The following FRMD3 variants were observed in gnomAD, a reference collection of about 807,000 sequenced individuals.
FRMD3 encodes FERM domain-containing protein 3.
A neutral mutation model predicts 70.2 loss-of-function variants in FRMD3; 33 were observed. The observed-to-expected ratio is 0.47, with a 90% CI of 0.36 to 0.63. The LOEUF (loss-of-function observed/expected upper bound fraction) is 0.63. Ranked by LOEUF, FRMD3 falls within the 20% of genes least tolerant of loss-of-function variation. The pLI is 0.00. For missense variants in FRMD3, 632 were observed against 711.4 expected (o/e 0.89, Z 1.27); for synonymous variants, 279 against 255.9 (o/e 1.09, Z -0.86).
At chr9:83,343,826 G>A (rs1407915094) in intron 4 of FRMD3, among the ~76,000 whole-genome samples, 1 of 152,244 alleles carries the variant, frequency 6.6e-6, no homozygotes, top group African/African-American at 2.4e-5. Flanking sequence ...TGTCATCTGT[G>A]TAGAGTCTCC....
chr9:83,255,440 A>T (rs1250793994), intron 13 of FRMD3, among the ~76,000 whole-genome samples: 1 of 152,174 alleles, frequency 6.6e-6, no homozygotes, highest in Non-Finnish European at 1.5e-5. Flanking sequence ...AATAGGCAAA[A>T]GCTGGAAGCA....
chr9:83,574,541 G>A, the FRMD3 span, among the ~76,000 whole-genome samples: 1 of 152,120 alleles, frequency 6.6e-6, no homozygotes, highest in Non-Finnish European at 1.5e-5. Flanking sequence ...GTACTCCAGG[G>A]ACAAGGCCAT....
intron 1 of FRMD3, among the ~76,000 whole-genome samples, chr9:83,494,780 G>T (rs187768335): frequency 3.9e-5 from 6 of 152,072 alleles, no homozygotes; most frequent in Admixed American, 3.3e-4. Context: ...GGGCATAGTG[G>T]CATGTGCCTG....
At position 83,309,607 on chromosome 9, in the gene FRMD3, T is replaced by C. The variant is rs374785876; in HGVS notation, c.855A>G (p.Ala285=). The change falls in exon 10 of 14, where the codon GCA becomes GCG. Residue 285 remains alanine (A), a synonymous_variant. Coordinates refer to ENST00000304195, the MANE Select transcript of FRMD3 (RefSeq NM_174938.6). ...GTQKEKKAML[A]FHTSTPAACK... is the part of the protein sequence containing the mutation. ...AGGCAGCTGGTGTTGAAGTATGGAA[T>C]GCCAACATGGCTTTTTTCTAATTAA... The C allele has an allele frequency of 4.4e-5, 70 of 1,589,808 alleles. No homozygotes were observed. The African/African-American group carries it at 7.7e-4, about 17-fold the overall frequency.
chr9:83,558,659 T>C, the FRMD3 span, among the ~76,000 whole-genome samples: 2 of 152,156 alleles, frequency 1.3e-5, no homozygotes, highest in Non-Finnish European at 2.9e-5. Flanking sequence ...CTGCCATAGA[T>C]AGTGATTCCT....
At chr9:83,500,032 A>C (rs1050438637) in intron 1 of FRMD3, among the ~76,000 whole-genome samples, 1 of 152,224 alleles carries the variant, frequency 6.6e-6, no homozygotes, top group Non-Finnish European at 1.5e-5. Flanking sequence ...GCAATATATT[A>C]TACAAAAATA....
At chr9:83,308,066 A>G (rs1056956114) in intron 10 of FRMD3, among the ~76,000 whole-genome samples, 2 of 152,152 alleles carry the variant, frequency 1.3e-5, no homozygotes, top group Non-Finnish European at 2.9e-5. Context: ...ACCTTCTCCA[A>G]TCATTCCTAG....
intron 3 of FRMD3, among the ~76,000 whole-genome samples, chr9:83,362,549 C>T (rs1474029768): frequency 2.0e-5 from 3 of 152,156 alleles, no homozygotes; most frequent in African/African-American, 7.2e-5. Context: ...CTTCAGGGTG[C>T]TTGGGAGCAG....
chr9:83,543,830 C>T, the FRMD3 span, among the ~76,000 whole-genome samples: 7 of 152,208 alleles, frequency 4.6e-5, no homozygotes, highest in Admixed American at 1.3e-4. Flanking sequence ...CTGTGCTTGG[C>T]TCTGTGGGTG....
At chr9:83,292,448 C>T (rs761625974) in intron 12 of FRMD3, among the ~76,000 whole-genome samples, 3 of 152,144 alleles carry the variant, frequency 2.0e-5, no homozygotes, top group Non-Finnish European at 4.4e-5. Context: ...GCTTGAGCCA[C>T]TACGCCCAGC....
At chr9:83,478,987 A>C (rs1828464568) in intron 1 of FRMD3, among the ~76,000 whole-genome samples, 2 of 152,142 alleles carry the variant, frequency 1.3e-5, no homozygotes, top group African/African-American at 4.8e-5. Flanking sequence ...TGGCTTAATC[A>C]ATGGTCATTA....
rs1307760804 is a variant in FRMD3, at chr9:83,245,273, CTA to C, written c.*2643_*2644del. On this transcript the variant is annotated 3_prime_UTR_variant, in exon 14 of 14. Transcript: ENST00000304195. ...CTTGCTTTAAACTCTATATCTCACT[CTA>C]TAATATACTGTCCATCTCTGGAAGC... The C allele has an allele frequency of 2.0e-6, 2 of 985,246 alleles. No individual in the cohort carries two copies. Among genetic ancestry groups the C allele is most frequent in the African/African-American group, 1.7e-5 (1 of 57,234 alleles). 61.0% of individuals were successfully genotyped at this position (985,246 alleles called of 1,614,324 possible).
intron 12 of FRMD3, among the ~76,000 whole-genome samples, chr9:83,295,175 CAA>C (rs1300176142): frequency 6.6e-6 from 1 of 152,128 alleles, no homozygotes; most frequent in African/African-American, 2.4e-5. Context: ...AATACTGGGG[CAA>C]ATGTGGTTTG....
chr9:83,494,889 G>T, intron 1 of FRMD3, among the ~76,000 whole-genome samples: 1 of 149,520 alleles, frequency 6.7e-6, no homozygotes, highest in South Asian at 2.1e-4. Flanking sequence ...GTATATATAT[G>T]ATATTTTACA....
intron 4 of FRMD3, among the ~76,000 whole-genome samples, chr9:83,347,148 G>A (rs186060694): frequency 1.3e-5 from 2 of 152,140 alleles, no homozygotes; most frequent in Admixed American, 6.5e-5. Flanking sequence ...AATCAATTTG[G>A]CAAGAGCTTC....
intron 13 of FRMD3, among the ~76,000 whole-genome samples, chr9:83,270,547 C>T (rs1433159584): frequency 6.6e-6 from 1 of 152,230 alleles, no homozygotes; most frequent in Non-Finnish European, 1.5e-5. Flanking sequence ...AAGTGCCTAA[C>T]ATAGAGCTGG....
intron 1 of FRMD3, among the ~76,000 whole-genome samples, chr9:83,526,475 T>C (rs546005372): frequency 6.6e-6 from 1 of 152,356 alleles, no homozygotes; most frequent in Admixed American, 6.5e-5. Flanking sequence ...AAGAGATCAC[T>C]TTACTTGTAA....
At chr9:83,358,447 T>A (rs1824475642) in intron 3 of FRMD3, among the ~76,000 whole-genome samples, 1 of 152,164 alleles carries the variant, frequency 6.6e-6, no homozygotes, top group Non-Finnish European at 1.5e-5. Flanking sequence ...TTTTTAGAAT[T>A]GTTTTTTCTA....
intron 6 of FRMD3, 134 bp from the exon 7 acceptor site, chr9:83,313,881 A>C (rs1373174165): frequency 1.6e-5 from 10 of 643,508 alleles, no homozygotes; most frequent in Non-Finnish European, 2.5e-5. Flanking sequence ...AATCAGTAAG[A>C]CTGATCATTA....
Sources: gnomAD v4.1 joint callset for allele counts (sites outside exome capture counted in the v4.1 genomes callset) on GRCh38, gnomAD v4.1.1 for gene constraint, MANE v1.5 for transcripts, NCBI Gene and HGNC (gene_info 2026-07-23, HGNC 2026-07-21) for gene names.